CADPS2: variants seen among roughly 807,000 people sequenced by gnomAD.
CADPS2 encodes calcium dependent secretion activator 2.
In CADPS2, 93 loss-of-function variants were observed where a neutral mutation model predicts 172.5. The observed-to-expected ratio is 0.54, with a 90% CI of 0.46 to 0.64. CADPS2 has a LOEUF of 0.64. Ranked by LOEUF, CADPS2 falls within the 30% of genes least tolerant of loss-of-function variation. The pLI is 0.00. For synonymous variants in CADPS2, 546 were observed against 555.2 expected (o/e 0.98, Z 0.23); for missense variants, 1,420 against 1,565.9 (o/e 0.91, Z 1.57).
chr7:122,836,923 C>T (rs912371134), intron 1 of CADPS2, among the ~76,000 whole-genome samples: 19 of 152,184 alleles, frequency 1.2e-4, no homozygotes, highest in East Asian at 7.7e-4. Context: ...CTGCACCAAG[C>T]GGACCTAATA....
intron 6 of CADPS2, among the ~76,000 whole-genome samples, chr7:122,609,814 T>C (rs1193920716): frequency 6.6e-6 from 1 of 152,182 alleles, no homozygotes; most frequent in Non-Finnish European, 1.5e-5. Flanking sequence ...GAAGGATGAA[T>C]TTATCTCCAA....
intron 1 of CADPS2, among the ~76,000 whole-genome samples, chr7:122,853,630 T>C (rs1328703083): frequency 6.6e-6 from 1 of 151,850 alleles, no homozygotes; most frequent in African/African-American, 2.4e-5. Context: ...GACTAGATCC[T>C]GACTAATATA....
At chr7:122,526,085 T>C (rs764217580) in intron 8 of CADPS2, among the ~76,000 whole-genome samples, 2 of 152,204 alleles carry the variant, frequency 1.3e-5, no homozygotes, top group African/African-American at 2.4e-5. Flanking sequence ...CTTTCTCTGA[T>C]ACTTTGTGCT....
chr7:122,798,936 C>T (rs2139880113), intron 1 of CADPS2, among the ~76,000 whole-genome samples: 1 of 152,030 alleles, frequency 6.6e-6, no homozygotes, highest in Middle Eastern at 3.4e-3. Context: ...GCTAGATGTT[C>T]ACCTGATGAA....
chr7:122,323,874 TATATATATATATATA>T (rs1203623883), intron 29 of CADPS2, among the ~76,000 whole-genome samples: 1 of 15,000 alleles, frequency 6.7e-5, no homozygotes, highest in African/African-American at 3.9e-4. Flanking sequence ...ATGTATATTT[TATATATATATATATA>T]TATATATATA....
At chr7:122,749,525 C>A (rs147725565) in intron 1 of CADPS2, among the ~76,000 whole-genome samples, 1 of 152,124 alleles carries the variant, frequency 6.6e-6, no homozygotes, top group African/African-American at 2.4e-5. Flanking sequence ...TGCTCAGTAC[C>A]TAAAACAGAA....
At chr7:122,619,695 G>A (rs1364235579) in intron 5 of CADPS2, among the ~76,000 whole-genome samples, 3 of 152,134 alleles carry the variant, frequency 2.0e-5, no homozygotes, top group Non-Finnish European at 4.4e-5. Context: ...GACGAATTGT[G>A]TTTTGTATAA....
At chr7:122,669,122 C>A (rs1224699376) in intron 2 of CADPS2, among the ~76,000 whole-genome samples, 1 of 151,970 alleles carries the variant, frequency 6.6e-6, no homozygotes, top group Admixed American at 6.6e-5. Context: ...CTTGAGCTCA[C>A]AAGTTTGAGA....
At chr7:122,462,256 G>T (rs28735372) in intron 14 of CADPS2, among the ~76,000 whole-genome samples, 4,605 of 152,060 alleles carry the variant, frequency 0.03, 146 homozygotes, top group African/African-American at 0.072. Context: ...AATATTCTAA[G>T]GACTCTGAAC....
At chr7:122,787,938 C>T (rs866166823) in intron 1 of CADPS2, among the ~76,000 whole-genome samples, 1 of 152,182 alleles carries the variant, frequency 6.6e-6, no homozygotes. Context: ...GCAGTATTTA[C>T]ATGGTCCAAC....
chr7:122,829,323 A>G (rs964954796), intron 1 of CADPS2, among the ~76,000 whole-genome samples: 9 of 152,180 alleles, frequency 5.9e-5, no homozygotes, highest in African/African-American at 2.2e-4. Flanking sequence ...TTTTCCTTCA[A>G]CATTAGGATG....
intron 1 of CADPS2, among the ~76,000 whole-genome samples, chr7:122,784,531 T>G (rs1164537953): frequency 6.6e-6 from 1 of 152,222 alleles, no homozygotes; most frequent in Admixed American, 6.5e-5. Flanking sequence ...TCTGAATGAT[T>G]ACATATCTCT....
chr7:122,399,656 G>GTTTTT (rs1563239204), intron 20 of CADPS2, among the ~76,000 whole-genome samples: 1 of 94,544 alleles, frequency 1.1e-5, no homozygotes. Flanking sequence ...TCAAGGGTGG[G>GTTTTT]TTTCTTTTTT....
At chr7:122,674,505 A>T (rs1422954211) in intron 2 of CADPS2, among the ~76,000 whole-genome samples, 1 of 152,246 alleles carries the variant, frequency 6.6e-6, no homozygotes, top group Non-Finnish European at 1.5e-5. Context: ...CAAAGAAGTC[A>T]CTGAATATCT....
At chr7:122,520,365 T>C (rs1022546078) in intron 8 of CADPS2, among the ~76,000 whole-genome samples, 1 of 152,020 alleles carries the variant, frequency 6.6e-6, no homozygotes, top group Non-Finnish European at 1.5e-5. Flanking sequence ...AGTAGATTCA[T>C]ATGTAATATT....
chr7:122,548,378 T>A (rs913918053), intron 8 of CADPS2, among the ~76,000 whole-genome samples: 4 of 151,850 alleles, frequency 2.6e-5, no homozygotes, highest in African/African-American at 4.8e-5. Context: ...GTCTAAAAAA[T>A]TTTTTTAAAT....
chr7:122,656,848 A>C (rs1276584488), intron 3 of CADPS2, among the ~76,000 whole-genome samples: 1 of 152,154 alleles, frequency 6.6e-6, no homozygotes, highest in East Asian at 1.9e-4. Context: ...TTTTGACGCC[A>C]TTGCTTCTGG....
At chr7:122,772,573 G>T (rs2093736989) in intron 1 of CADPS2, among the ~76,000 whole-genome samples, 1 of 152,066 alleles carries the variant, frequency 6.6e-6, no homozygotes, top group Non-Finnish European at 1.5e-5. Flanking sequence ...CAGCTTTCCT[G>T]TATAGTAAGA....
At chr7:122,767,747 T>C (rs1562967667) in intron 1 of CADPS2, among the ~76,000 whole-genome samples, 2 of 152,142 alleles carry the variant, frequency 1.3e-5, no homozygotes, top group Non-Finnish European at 2.9e-5. Context: ...AATATGAGAA[T>C]AGAAGCTATT....
Sources: allele counts gnomAD v4.1 joint callset (sites outside exome capture counted in the v4.1 genomes callset), GRCh38; gene constraint gnomAD v4.1.1; transcripts MANE v1.5; gene names NCBI Gene and HGNC (gene_info 2026-07-23, HGNC 2026-07-21).